The following NALCN variants were observed in gnomAD, a reference collection of about 807,000 sequenced individuals.
NALCN encodes the protein sodium leak channel NALCN.
In NALCN, 111 loss-of-function variants were observed where a neutral mutation model predicts 225.3. The observed-to-expected ratio is 0.49, with a 90% CI of 0.42 to 0.58. NALCN has a LOEUF of 0.58. NALCN is among the 20% of genes least tolerant of loss of function. The pLI is 0.00. For synonymous variants in NALCN, 764 were observed against 769.0 expected (o/e 0.99, Z 0.11); for missense variants, 1,378 against 2,202.4 (o/e 0.63, Z 7.49).
chr13:101,409,639 T>C (rs1326093354), intron 1 of NALCN, among the ~76,000 whole-genome samples: 2 of 152,236 alleles, frequency 1.3e-5, no homozygotes, highest in Non-Finnish European at 2.9e-5. Flanking sequence ...AATATGAATC[T>C]GTAAAGGTTA....
At chr13:101,399,207 G>T (rs554631234) in intron 1 of NALCN, 42 bp from the exon 2 acceptor site, 2 of 1,513,400 alleles carry the variant, frequency 1.3e-6, no homozygotes, top group African/African-American at 1.4e-5. Flanking sequence ...AAACCATCTT[G>T]CCCTCATCAA....
intron 10 of NALCN, among the ~76,000 whole-genome samples, chr13:101,272,508 T>C (rs2140256863): frequency 6.6e-6 from 1 of 152,270 alleles, no homozygotes; most frequent in South Asian, 2.1e-4. Flanking sequence ...TGACCAAATA[T>C]AATCAAGGAA....
chr13:101,363,211 C>T (rs1431239430), intron 6 of NALCN, among the ~76,000 whole-genome samples: 1 of 152,100 alleles, frequency 6.6e-6, no homozygotes, highest in Non-Finnish European at 1.5e-5. Flanking sequence ...ATACCAATGA[C>T]ATTCTTCACA....
chr13:101,181,547 C>G (rs1002980894), intron 14 of NALCN, among the ~76,000 whole-genome samples: 1 of 149,392 alleles, frequency 6.7e-6, no homozygotes, highest in African/African-American at 2.5e-5. Flanking sequence ...AATTTGAGAC[C>G]AGCCTGGGCA....
intron 15 of NALCN, among the ~76,000 whole-genome samples, 168 bp from the exon 16 acceptor site, chr13:101,145,064 A>G (rs2037281818): frequency 6.6e-6 from 1 of 152,148 alleles, no homozygotes; most frequent in Non-Finnish European, 1.5e-5. Flanking sequence ...AAATTGCTCT[A>G]TGAGCTAAAA....
intron 13 of NALCN, among the ~76,000 whole-genome samples, chr13:101,223,397 C>G (rs1455973492): frequency 1.3e-5 from 2 of 152,132 alleles, no homozygotes; most frequent in Non-Finnish European, 2.9e-5. Flanking sequence ...TCTTTTAGTT[C>G]TGGTTGATAC....
chr13:101,145,451 C>A (rs1566338139), intron 15 of NALCN, among the ~76,000 whole-genome samples: 1 of 152,266 alleles, frequency 6.6e-6, no homozygotes, highest in East Asian at 1.9e-4. Flanking sequence ...CATTTGGCTG[C>A]AAACATGCTT....
At chr13:101,217,152 A>G (rs906554028) in intron 13 of NALCN, among the ~76,000 whole-genome samples, 21 of 148,748 alleles carry the variant, frequency 1.4e-4, no homozygotes, top group African/African-American at 4.9e-4. Context: ...TAAATGGAGG[A>G]AAAACTGAGT....
At chr13:101,128,371 C>G (rs1381059103) in intron 17 of NALCN, among the ~76,000 whole-genome samples, 1 of 152,136 alleles carries the variant, frequency 6.6e-6, no homozygotes, top group African/African-American at 2.4e-5. Context: ...ACACATAATT[C>G]AAAAGCTTCA....
chr13:101,110,270 T>C (rs1486315678), intron 20 of NALCN, among the ~76,000 whole-genome samples: 1 of 152,250 alleles, frequency 6.6e-6, no homozygotes, highest in Non-Finnish European at 1.5e-5. Flanking sequence ...GATTCTAGAA[T>C]ATTCGATTCT....
rs746447186 is a variant in NALCN at position 101,229,432 on chromosome 13, G to C, written c.1587C>G (p.Cys529Trp). The C allele has an allele frequency of 6.2e-7, 1 of 1,606,918 alleles. No homozygotes were observed. Among genetic ancestry groups the C allele is most frequent in the East Asian group, 2.3e-5 (1 of 44,282 alleles). ...TAAATCTGTCCAGTTCTTCGACAAA[G>C]CAGAACATCTGCAAACTAATTGCTG... ...VMSAISLQMF[C>W]FVEELDRFTT... The change falls in exon 13 of 44, where the codon TGC becomes TGG. Residue 529 changes from cysteine (C) to tryptophan (W), a missense_variant. Cys to Trp is a radical substitution (Grantham distance 215, BLOSUM62 -2). Coordinates refer to ENST00000251127, the MANE Select transcript of NALCN (RefSeq NM_052867.4).
intron 7 of NALCN, among the ~76,000 whole-genome samples, chr13:101,341,340 T>C (rs959158457): frequency 6.6e-6 from 1 of 152,210 alleles, no homozygotes; most frequent in Non-Finnish European, 1.5e-5. Context: ...TTTGTAAGCA[T>C]TGTGCCATTA....
intron 13 of NALCN, among the ~76,000 whole-genome samples, chr13:101,206,603 G>A (rs1460106086): frequency 6.6e-6 from 1 of 151,474 alleles, no homozygotes; most frequent in Admixed American, 6.6e-5. Flanking sequence ...TAACTATAAA[G>A]TAAGGTTTTA....
At chr13:101,245,532 A>C (rs1333758) in intron 11 of NALCN, among the ~76,000 whole-genome samples, 2 of 151,970 alleles carry the variant, frequency 1.3e-5, no homozygotes, top group Admixed American at 6.5e-5. Context: ...TTGGTCTACA[A>C]GGCAATCTGC....
At chr13:101,260,642 T>C (rs1044299902) in intron 10 of NALCN, among the ~76,000 whole-genome samples, 4 of 152,250 alleles carry the variant, frequency 2.6e-5, no homozygotes, top group African/African-American at 9.6e-5. Context: ...CACCTTTTCA[T>C]ATGCCTGTTT....
intron 13 of NALCN, among the ~76,000 whole-genome samples, chr13:101,197,289 T>C (rs531372276): frequency 6.6e-6 from 1 of 152,310 alleles, no homozygotes; most frequent in East Asian, 1.9e-4. Context: ...TCTCATTCTC[T>C]TCTCCTCCTC....
chr13:101,233,808 C>T (rs1012585855), intron 12 of NALCN, among the ~76,000 whole-genome samples: 8 of 152,254 alleles, frequency 5.3e-5, no homozygotes, highest in South Asian at 2.1e-4. Flanking sequence ...ATTCACAAGA[C>T]GCACCAGTCA....
At chr13:101,330,466 C>CTG (rs2045125503) in intron 7 of NALCN, among the ~76,000 whole-genome samples, 1 of 152,122 alleles carries the variant, frequency 6.6e-6, no homozygotes. Flanking sequence ...TGCATTTTAT[C>CTG]TGGACTGGAA....
chr13:101,234,068 CT>C (rs1766414499), intron 12 of NALCN, among the ~76,000 whole-genome samples: 1 of 152,188 alleles, frequency 6.6e-6, no homozygotes, highest in Non-Finnish European at 1.5e-5. Flanking sequence ...CAAACCTCAC[CT>C]CTTCAGAGAG....
Sources: allele counts gnomAD v4.1 joint callset (sites outside exome capture counted in the v4.1 genomes callset), GRCh38; gene constraint gnomAD v4.1.1; transcripts MANE v1.5; gene names NCBI Gene and HGNC (gene_info 2026-07-23, HGNC 2026-07-21).